The following KLHL1 variants were observed in gnomAD, a reference collection of about 807,000 sequenced individuals.
KLHL1 encodes the protein kelch like family member 1, also known as kelch-like protein 1.
KLHL1 carries 47 observed loss-of-function variants against 77.7 expected under a neutral mutation model. The observed-to-expected ratio is 0.60, with a 90% CI of 0.48 to 0.77. KLHL1 has a LOEUF of 0.77. Among genes scored for constraint, KLHL1 ranks in the 30% least tolerant of loss-of-function variants. KLHL1 has a pLI of 0.00. For synonymous variants in KLHL1, 360 were observed against 325.2 expected (o/e 1.11, Z -1.15); for missense variants, 925 against 910.8 (o/e 1.02, Z -0.20).
Position 69,964,963 on chromosome 13 carries a change from C to CA in KLHL1, c.681-3520dup, listed in dbSNP as rs199678351. 5.9e-4 allele frequency among the ~76,000 whole-genome samples: 89 copies of CA among 150,634 alleles called. 1 individual carries two copies. The South Asian group carries it at 0.012, about 21-fold the overall frequency. On this transcript the variant is annotated intron_variant, in intron 2 of 10. Coordinates refer to ENST00000377844, the MANE Select transcript of KLHL1 (RefSeq NM_020866.3). Reference sequence around the variant, plus strand: ...CATAACAGATACTATACTACCCCCACAAAAAAAAATACAGGCTAAGAAGGG... The same window carrying CA: ...CATAACAGATACTATACTACCCCCACAAAAAAAAAATACAGGCTAAGAAGGG...
At chr13:69,958,538 A>G (rs1167840559) in intron 3 of KLHL1, among the ~76,000 whole-genome samples, 1 of 151,882 alleles carries the variant, frequency 6.6e-6, no homozygotes, top group African/African-American at 2.4e-5. Flanking sequence ...TTCTAACTTA[A>G]TAAGATAAAT....
intron 5 of KLHL1, among the ~76,000 whole-genome samples, chr13:69,847,379 T>C (rs1035071319): frequency 6.8e-6 from 1 of 147,530 alleles, no homozygotes; most frequent in Non-Finnish European, 1.5e-5. Flanking sequence ...AAGCTATTCC[T>C]TAAGTTAGAG....
At chr13:70,018,512 T>C (rs1311750150) in intron 1 of KLHL1, among the ~76,000 whole-genome samples, 1 of 152,204 alleles carries the variant, frequency 6.6e-6, no homozygotes, top group Non-Finnish European at 1.5e-5. Context: ...TAGAGACTGA[T>C]GCAGAGAGAC....
At chr13:69,813,927 C>A (rs1186518230) in intron 6 of KLHL1, among the ~76,000 whole-genome samples, 2 of 152,076 alleles carry the variant, frequency 1.3e-5, no homozygotes, top group African/African-American at 2.4e-5. Context: ...AAAAAAGAGT[C>A]CTAGAATCCA....
chr13:70,092,150 G>A (rs897730027), intron 1 of KLHL1, among the ~76,000 whole-genome samples: 1 of 152,154 alleles, frequency 6.6e-6, no homozygotes, highest in African/African-American at 2.4e-5. Flanking sequence ...TTCAGCCTAT[G>A]CAATTGAGCA....
At chr13:69,853,414 G>A (rs1219403089) in intron 5 of KLHL1, among the ~76,000 whole-genome samples, 2 of 151,818 alleles carry the variant, frequency 1.3e-5, no homozygotes, top group Non-Finnish European at 2.9e-5. Context: ...TAAGTTTCCC[G>A]AGGCCTCCCC....
intron 1 of KLHL1, among the ~76,000 whole-genome samples, chr13:70,001,713 T>C (rs893304186): frequency 6.6e-6 from 1 of 151,142 alleles, no homozygotes; most frequent in African/African-American, 2.4e-5. Context: ...TCTACTATCT[T>C]CCTATCTTAA....
chr13:69,928,846 C>T (rs1241823499), intron 4 of KLHL1, among the ~76,000 whole-genome samples: 1 of 151,992 alleles, frequency 6.6e-6, no homozygotes, highest in Non-Finnish European at 1.5e-5. Context: ...GATAGTTGCA[C>T]AACTCTGAAA....
chr13:69,848,324 C>T (rs1000857178), intron 5 of KLHL1, among the ~76,000 whole-genome samples: 12 of 151,520 alleles, frequency 7.9e-5, no homozygotes, highest in Non-Finnish European at 1.3e-4. Context: ...TGATTGCCAA[C>T]AGCCTTAGTT....
chr13:70,098,305 C>A (rs1375255626), intron 1 of KLHL1, among the ~76,000 whole-genome samples: 3 of 151,804 alleles, frequency 2.0e-5, no homozygotes, highest in Admixed American at 6.6e-5. Context: ...AAGAGTGTCA[C>A]ATCTATTTTT....
chr13:69,740,353 T>A (rs775085013), intron 8 of KLHL1, 41 bp downstream of exon 8: 3 of 1,394,842 alleles, frequency 2.2e-6, no homozygotes, highest in South Asian at 2.9e-5. Context: ...ACCCAATAAC[T>A]TTTTTTCTAA....
intron 8 of KLHL1, among the ~76,000 whole-genome samples, chr13:69,721,106 T>TTTGTATATATATATATATATATATACAAA (rs1873043092): frequency 1.3e-5 from 1 of 74,376 alleles, no homozygotes; most frequent in Non-Finnish European, 2.9e-5. Context: ...TTACAAGGAA[T>TTTGTATATATATATATATATATATACAAA]TTCCTTGTGG....
chr13:69,752,515 C>T (rs930286862), intron 7 of KLHL1, among the ~76,000 whole-genome samples: 1 of 152,102 alleles, frequency 6.6e-6, no homozygotes, highest in African/African-American at 2.4e-5. Context: ...AATGTTATAA[C>T]ATGAAAATAA....
chr13:70,039,421 T>C (rs1413289844), intron 1 of KLHL1, among the ~76,000 whole-genome samples: 1 of 152,142 alleles, frequency 6.6e-6, no homozygotes, highest in Non-Finnish European at 1.5e-5. Context: ...TTGTTTATGA[T>C]TGAGTTTTGA....
intron 1 of KLHL1, among the ~76,000 whole-genome samples, chr13:70,068,242 G>C (rs1301892051): frequency 2.6e-5 from 4 of 152,082 alleles, no homozygotes; most frequent in African/African-American, 4.8e-5. Flanking sequence ...TCGGGAGGCT[G>C]AGGCAGGAGA....
intron 4 of KLHL1, among the ~76,000 whole-genome samples, chr13:69,909,650 A>G (rs978185097): frequency 2.4e-4 from 37 of 152,094 alleles, no homozygotes; most frequent in African/African-American, 8.7e-4. Context: ...TATTCATTCC[A>G]TGCATGAGTT....
At chr13:69,830,527 A>C (rs929559772) in intron 6 of KLHL1, among the ~76,000 whole-genome samples, 4 of 150,222 alleles carry the variant, frequency 2.7e-5, no homozygotes, top group Non-Finnish European at 4.4e-5. Flanking sequence ...CACTGACAGC[A>C]CTAGACCGTC....
intron 5 of KLHL1, among the ~76,000 whole-genome samples, chr13:69,844,036 A>G (rs1215627591): frequency 6.6e-6 from 1 of 151,690 alleles, no homozygotes; most frequent in African/African-American, 2.4e-5. Flanking sequence ...GCAAAGATAG[A>G]TAAGGATTAT....
intron 1 of KLHL1, among the ~76,000 whole-genome samples, chr13:70,038,232 T>C (rs1350985268): frequency 2.0e-5 from 3 of 152,208 alleles, no homozygotes; most frequent in African/African-American, 7.2e-5. Context: ...GTTGCATCTG[T>C]CAATAGTTTG....
Sources: allele counts gnomAD v4.1 joint callset (sites outside exome capture counted in the v4.1 genomes callset), GRCh38; gene constraint gnomAD v4.1.1; transcripts MANE v1.5; gene names NCBI Gene and HGNC (gene_info 2026-07-23, HGNC 2026-07-21).